The following ADAMTS19 variants were observed in gnomAD, a reference collection of about 807,000 sequenced individuals.
ADAMTS19 encodes the protein A disintegrin and metalloproteinase with thrombospondin motifs 19.
Under a neutral mutation model 153.3 loss-of-function variants are expected in ADAMTS19, and 93 were observed. The ratio of observed to expected loss-of-function variants is 0.61; its 90% confidence interval spans 0.51 to 0.72. ADAMTS19 has a LOEUF of 0.72. Among genes scored for constraint, ADAMTS19 ranks in the 30% least tolerant of loss-of-function variants. The probability of loss-of-function intolerance (pLI) is 0.00; values close to 1 mark genes in which losing one functional copy is unlikely to be tolerated. For synonymous variants in ADAMTS19, 600 were observed against 556.6 expected, an observed-to-expected ratio of 1.08 and a Z score of -1.10; for missense variants, 1,482 against 1,552.1, an observed-to-expected ratio of 0.95 and a Z score of 0.76.
intron 13 of ADAMTS19, among the ~76,000 whole-genome samples, chr5:129,653,085 G>A (rs1433297697): frequency 6.6e-6 from 1 of 152,148 alleles, no homozygotes; most frequent in African/African-American, 2.4e-5. Flanking sequence ...ACTTCTGAAG[G>A]TTCATTTAAC....
intron 14 of ADAMTS19, 93 bp downstream of exon 14, chr5:129,654,526 T>C: frequency 7.1e-7 from 1 of 1,407,852 alleles, no homozygotes; most frequent in African/African-American, 1.5e-5. Flanking sequence ...AGCTTTGGAC[T>C]TAGATTCAAA....
Position 129,527,748 on chromosome 5 carries a change from G to A in ADAMTS19, c.1087G>A (p.Val363Ile). Residue 363 changes from valine (V) to isoleucine (I), a missense_variant and splice_region_variant, in exon 5 of 23, where the codon GTA (valine) becomes ATA (isoleucine). Val to Ile is a conservative substitution (Grantham distance 29). Coordinates refer to ENST00000274487, the MANE Select transcript of ADAMTS19 (RefSeq NM_133638.6). The stretch of plus-strand genomic sequence containing the variant: ...GATTTTTATTTTTATTTGTTTTTAG[G>A]TATTTAACCTTTTCCAACACAAGAG... ...RRFILTILNM[V>I]FNLFQHKSLS... is the part of the protein sequence containing the mutation. The A allele has an allele frequency of 1.3e-6, 2 of 1,533,886 alleles. No homozygotes were observed. Among genetic ancestry groups the A allele is most frequent in the Non-Finnish European group, 8.9e-7 (1 of 1,118,676 alleles).
At chr5:129,680,527 G>C (rs939463334) in intron 17 of ADAMTS19, among the ~76,000 whole-genome samples, 1 of 152,114 alleles carries the variant, frequency 6.6e-6, no homozygotes, top group Non-Finnish European at 1.5e-5. Context: ...GGGAGTCCAA[G>C]GTGGGTGGAT....
chr5:129,492,523 G>C (rs2126693154), intron 2 of ADAMTS19, among the ~76,000 whole-genome samples: 1 of 151,904 alleles, frequency 6.6e-6, no homozygotes, highest in South Asian at 2.1e-4. Flanking sequence ...GTGTGTGTGT[G>C]TGTGTGTGTA....
chr5:129,708,492 T>A (rs1756270573), intron 21 of ADAMTS19, among the ~76,000 whole-genome samples: 1 of 148,914 alleles, frequency 6.7e-6, no homozygotes, highest in Admixed American at 6.9e-5. Context: ...TAATGTTTAA[T>A]GAAATGACAT....
chr5:129,708,818 T>A (rs1222143371), intron 21 of ADAMTS19, among the ~76,000 whole-genome samples: 1 of 152,104 alleles, frequency 6.6e-6, no homozygotes, highest in African/African-American at 2.4e-5. Flanking sequence ...TCCTTTAAAA[T>A]TCTAGGAAAT....
rs111552487 is a variant in ADAMTS19 at position 129,600,295 on chromosome 5, C to G, written c.1478+3631C>G. 1.6e-3 allele frequency among the ~76,000 whole-genome samples: 236 copies of G among 152,038 alleles called. 1 individual carries two copies. Among genetic ancestry groups the G allele is most frequent in the African/African-American group, 5.3e-3 (219 of 41,484 alleles). ...GCTATGTAAGTGAAACTCTTTAATC[C>G]TATATTTTTCTTTTTCGTTTTGGAT... On this transcript the variant is annotated intron_variant, in intron 8 of 22. Coordinates refer to ENST00000274487, the MANE Select transcript of ADAMTS19 (RefSeq NM_133638.6).
chr5:129,628,483 GAAGAC>G (rs1158537516), intron 10 of ADAMTS19, among the ~76,000 whole-genome samples: 1 of 151,946 alleles, frequency 6.6e-6, no homozygotes, highest in Non-Finnish European at 1.5e-5. Context: ...TTTTAAAGCT[GAAGAC>G]AAGTGGAGCA....
intron 2 of ADAMTS19, among the ~76,000 whole-genome samples, chr5:129,465,186 C>CA (rs1243101814): frequency 2.6e-5 from 4 of 151,930 alleles, no homozygotes; most frequent in Non-Finnish European, 4.4e-5. Flanking sequence ...TAATAAAATA[C>CA]AACACATGAA....
chr5:129,535,906 T>A (rs924109735), intron 6 of ADAMTS19, among the ~76,000 whole-genome samples: 1 of 152,098 alleles, frequency 6.6e-6, no homozygotes, highest in Admixed American at 6.6e-5. Context: ...TATACAAAAA[T>A]TAATTCAAGA....
intron 2 of ADAMTS19, among the ~76,000 whole-genome samples, chr5:129,477,534 A>G (rs1750265244): frequency 6.6e-6 from 1 of 152,182 alleles, no homozygotes; most frequent in Admixed American, 6.5e-5. Flanking sequence ...AAGAATATGG[A>G]AACCCCTATT....
intron 8 of ADAMTS19, among the ~76,000 whole-genome samples, chr5:129,617,361 T>G (rs1340259362): frequency 6.6e-6 from 1 of 152,058 alleles, no homozygotes; most frequent in Non-Finnish European, 1.5e-5. Context: ...AATGATTATC[T>G]GGATGAGAGG....
At chr5:129,695,498 T>C (rs1394035594) in intron 19 of ADAMTS19, among the ~76,000 whole-genome samples, 1 of 152,062 alleles carries the variant, frequency 6.6e-6, no homozygotes, top group Non-Finnish European at 1.5e-5. Flanking sequence ...GTAAGTGGAA[T>C]AGGAAGAAAG....
chr5:129,626,725 G>A (rs953023811), intron 10 of ADAMTS19, among the ~76,000 whole-genome samples: 2 of 152,100 alleles, frequency 1.3e-5, no homozygotes, highest in African/African-American at 4.8e-5. Context: ...TCCAGGCACT[G>A]TATGAAGCAC....
intron 13 of ADAMTS19, among the ~76,000 whole-genome samples, chr5:129,651,472 C>G (rs1753310019): frequency 6.6e-6 from 1 of 152,276 alleles, no homozygotes. Context: ...CCATCATTCT[C>G]TTTTATAGAA....
intron 10 of ADAMTS19, among the ~76,000 whole-genome samples, chr5:129,635,100 G>A (rs559092135): frequency 6.6e-6 from 1 of 152,068 alleles, no homozygotes; most frequent in Non-Finnish European, 1.5e-5. Flanking sequence ...CCAATAAAAG[G>A]TGGGCAAAGG....
intron 2 of ADAMTS19, among the ~76,000 whole-genome samples, chr5:129,500,163 C>A (rs959967183): frequency 6.6e-6 from 1 of 152,104 alleles, no homozygotes; most frequent in Non-Finnish European, 1.5e-5. Flanking sequence ...ACATGCCCTC[C>A]GCATTCAGGC....
chr5:129,509,217 C>G lies in ADAMTS19; in HGVS notation c.888C>G (p.His296Gln). ...AGGTCACAGAGAAGTCAGCTCTTCACAGTCATTACTGTGGTATCATTTCAG... is the reference window on the plus strand; with the variant it reads ...AGGTCACAGAGAAGTCAGCTCTTCAGAGTCATTACTGTGGTATCATTTCAG... Reference protein sequence around the residue: ...EEKVTEKSALHSHYCGIISDK... With the variant: ...EEKVTEKSALQSHYCGIISDK... Residue 296 changes from histidine to glutamine, a missense_variant, in exon 3 of 23, where the codon CAC becomes CAG. Physicochemically the swap from His to Gln is conservative, Grantham distance 24 (BLOSUM62 0). Coordinates refer to ENST00000274487, the MANE Select transcript of ADAMTS19 (RefSeq NM_133638.6). 1 of 1,611,824 alleles carries G rather than the reference C, an allele frequency of 6.2e-7. No homozygotes were observed. The highest frequency in any genetic ancestry group is 1.1e-5 in the South Asian group (1 of 90,988).
intron 6 of ADAMTS19, among the ~76,000 whole-genome samples, chr5:129,544,304 A>T (rs1284513792): frequency 6.6e-6 from 1 of 152,212 alleles, no homozygotes; most frequent in African/African-American, 2.4e-5. Context: ...TCAACTGAAC[A>T]TCTTATTGAG....
Sources: allele counts gnomAD v4.1 joint callset (sites outside exome capture counted in the v4.1 genomes callset), GRCh38; gene constraint gnomAD v4.1.1; transcripts MANE v1.5; gene names NCBI Gene and HGNC (gene_info 2026-07-23, HGNC 2026-07-21).